Variants in LRRK2 observed in about 807,000 individuals in gnomAD.
The protein encoded by LRRK2 is leucine-rich repeat serine/threonine-protein kinase 2.
Under a neutral mutation model 302.6 loss-of-function variants are expected in LRRK2, and 203 were observed. The ratio of observed to expected loss-of-function variants is 0.67; its 90% CI spans 0.60 to 0.75. The LOEUF (loss-of-function observed/expected upper bound fraction) is 0.75, where lower values mean the gene tolerates loss of function less well. Ranked by LOEUF, LRRK2 falls within the 30% of genes least tolerant of loss-of-function variation. The pLI is 0.00. For missense variants in LRRK2, 2,830 were observed against 2,951.0 expected (o/e 0.96, Z 0.95); for synonymous variants, 1,066 against 1,031.9 (o/e 1.03, Z -0.63).
intron 22 of LRRK2, 64 bp from the exon 23 acceptor site, chr12:40,295,363 C>T: frequency 6.6e-7 from 1 of 1,511,654 alleles, no homozygotes; most frequent in Non-Finnish European, 9.1e-7. Context: ...GCTCACTAAA[C>T]TTTTACTACA....
In LRRK2 at chr12:40,293,660, C is replaced by A; in HGVS notation, c.2805C>A (p.Ser935=). The change falls in exon 21 of 51, where the codon TCC becomes TCA. Residue 935 remains serine, a synonymous_variant. Coordinates refer to ENST00000298910, the MANE Select transcript of LRRK2 (RefSeq NM_198578.4). ...CSPNLQRHSN[S]LGPIFDHEDL... is the part of the protein sequence containing the mutation. ...CAAATTTGCAAAGACATTCCAATTC[C>A]TTGGTAAGTTAAATTGTGCAATTGT... The A allele has an allele frequency of 1.3e-6, 2 of 1,594,314 alleles. No homozygotes were observed. The highest frequency in any genetic ancestry group is 1.7e-6 in the Non-Finnish European group (2 of 1,162,890).
rs151225166 is a variant in LRRK2, at chr12:40,226,148, A to T, written c.237+508A>T. On this transcript the variant is annotated intron_variant, in intron 2 of 50. Transcript: ENST00000298910. The stretch of plus-strand genomic sequence containing the variant: ...AGTTGTAGTATACCTTGTAGTATCT[A>T]AAGAAAGTGATGTCTTATGAGACCC... Among the ~76,000 whole-genome samples the T allele has an allele frequency of 5.3e-5, 8 of 152,348 alleles. No individual in the cohort carries two copies. The East Asian group carries it at 1.3e-3, about 26-fold the overall frequency.
At chr12:40,237,915 C>T in intron 4 of LRRK2, 54 bp from the exon 5 acceptor site, 2 of 1,552,256 alleles carry the variant, frequency 1.3e-6, no homozygotes, top group Non-Finnish European at 1.8e-6. Flanking sequence ...AAAATTAACA[C>T]ATTAAATGTT....
intron 13 of LRRK2, 34 bp downstream of exon 13, chr12:40,259,638 C>A (rs1176005140): frequency 1.9e-6 from 3 of 1,610,856 alleles, no homozygotes; most frequent in Non-Finnish European, 2.5e-6. Flanking sequence ...GAAGAGATAA[C>A]AATTTAAATG....
At chr12:40,254,394 C>T (rs534797760) in intron 11 of LRRK2, among the ~76,000 whole-genome samples, 8 of 152,250 alleles carry the variant, frequency 5.3e-5, no homozygotes, top group South Asian at 4.1e-4. Flanking sequence ...TTTAATAAAA[C>T]GCTTGGAGTG....
At chr12:40,271,813 T>C (rs1022717649) in intron 14 of LRRK2, among the ~76,000 whole-genome samples, 2 of 152,168 alleles carry the variant, frequency 1.3e-5, no homozygotes, top group Non-Finnish European at 2.9e-5. Flanking sequence ...TGTGATACTC[T>C]GAATTCTCTT....
intron 20 of LRRK2, among the ~76,000 whole-genome samples, chr12:40,289,820 C>T (rs1379494415): frequency 6.6e-6 from 1 of 151,874 alleles, no homozygotes; most frequent in South Asian, 2.1e-4. Flanking sequence ...TTACGTGTTC[C>T]AGTACCTTAT....
chr12:40,238,140 A>T, intron 5 of LRRK2, 37 bp downstream of exon 5: 1 of 1,597,946 alleles, frequency 6.3e-7, no homozygotes, highest in Non-Finnish European at 8.5e-7. Flanking sequence ...AGTATATATA[A>T]GAAAAAAAGG....
intron 2 of LRRK2, among the ~76,000 whole-genome samples, chr12:40,231,413 G>C (rs1941179891): frequency 1.3e-5 from 1 of 77,258 alleles, no homozygotes; most frequent in Non-Finnish European, 2.7e-5. Context: ...AAAAAAATTA[G>C]CTGGGTGTGG....
Position 40,323,303 on chromosome 12 carries a change from C to T in LRRK2, c.5653C>T (p.Leu1885=). The T allele has an allele frequency of 6.2e-7, 1 of 1,608,518 alleles. No individual in the cohort carries two copies. Among genetic ancestry groups the T allele is most frequent in the Non-Finnish European group, 8.5e-7 (1 of 1,177,160 alleles). The change falls in exon 38 of 51, where the codon CTA becomes TTA. Residue 1885 remains leucine (L), a synonymous_variant. Coordinates refer to ENST00000298910, the MANE Select transcript of LRRK2 (RefSeq NM_198578.4). ...ATTTGAACAAGCTCCAGAGTTTCTC[C>T]TAGGTAATTCTTTTTGTTAATTTGA... ...LEFEQAPEFL[L]GDGSFGSVYR... is the part of the protein sequence containing the mutation.
intron 12 of LRRK2, among the ~76,000 whole-genome samples, 160 bp from the exon 13 acceptor site, chr12:40,259,320 A>C (rs1420305150): frequency 6.6e-6 from 1 of 152,208 alleles, no homozygotes; most frequent in Non-Finnish European, 1.5e-5. Flanking sequence ...TTAGACAATT[A>C]AAATTATGTA....
intron 14 of LRRK2, 151 bp from the exon 15 acceptor site, chr12:40,274,432 A>T: frequency 1.3e-6 from 1 of 750,552 alleles, no homozygotes; most frequent in East Asian, 2.8e-5. Context: ...CTTCATAATA[A>T]ATAAAAGTAA....
At position 40,320,043 on chromosome 12, in the gene LRRK2, G is replaced by T. The variant is rs33949390; in HGVS notation, c.4883G>T (p.Arg1628Leu). 4 of 1,611,680 alleles carry T rather than the reference G, an allele frequency of 2.5e-6. No homozygotes were observed. Among genetic ancestry groups the T allele is most frequent in the Middle Eastern group, 1.7e-4 (1 of 6,036 alleles). The change falls in exon 34 of 51, where the codon CGT (arginine) becomes CTT (leucine). Residue 1628 changes from arginine to leucine, a missense_variant. Around this residue, in one of 3 missense-constraint regions of LRRK2, gnomAD observed 2,121 missense variants for 2,148.0 expected, o/e 0.99. Transcript: ENST00000298910. ...AAACACCCTAAGGGCATTATTTCGC[G>T]TAGAGATGTGGAAAAATTTCTTTCA... ...CPKHPKGIISRRDVEKFLSKK... is the reference protein window; with the variant it reads ...CPKHPKGIISLRDVEKFLSKK...
chr12:40,340,593 C>A, intron 41 of LRRK2, 139 bp downstream of exon 41: 2 of 872,158 alleles, frequency 2.3e-6, no homozygotes, highest in Middle Eastern at 2.4e-4. Flanking sequence ...AAAATGCAAG[C>A]ATCACATTGT....
intron 4 of LRRK2, 50 bp downstream of exon 4, chr12:40,235,764 G>T (rs1941424274): frequency 5.0e-6 from 5 of 1,009,052 alleles, no homozygotes; most frequent in South Asian, 2.6e-5. Flanking sequence ...AAAAAAAGTT[G>T]ATACCATTAA....
rs1944723528 is a variant in LRRK2 at position 40,304,114 on chromosome 12, T to C, written c.3757T>C (p.Ser1253Pro). Residue 1253 changes from serine to proline, a missense_variant, in exon 27 of 51, where the codon TCT (serine) becomes CCT (proline). Around this residue, in one of 3 missense-constraint regions of LRRK2, gnomAD observed 2,121 missense variants for 2,148.0 expected, o/e 0.99. Transcript: ENST00000298910. ...LWSRVEKLHLSHNKLKEIPPE... is the reference protein window; with the variant it reads ...LWSRVEKLHLPHNKLKEIPPE... ...GTCTAGAGTAGAGAAACTGCATCTTTCTCACAATAAACTGAAAGAGGTAAG... is the reference window on the plus strand; with the variant it reads ...GTCTAGAGTAGAGAAACTGCATCTTCCTCACAATAAACTGAAAGAGGTAAG... The C allele has an allele frequency of 6.2e-7, 1 of 1,613,238 alleles. No individual in the cohort carries two copies. The highest frequency in any genetic ancestry group is 8.5e-7 in the Non-Finnish European group (1 of 1,179,574).
chr12:40,278,132 G>T lies in LRRK2; in HGVS notation c.2112G>T (p.Met704Ile). The T allele has an allele frequency of 1.2e-6, 2 of 1,614,060 alleles. No individual in the cohort carries two copies. The highest frequency in any genetic ancestry group is 1.7e-6 in the Non-Finnish European group (2 of 1,179,996). The change falls in exon 18 of 51, where the codon ATG becomes ATT. Residue 704 changes from methionine (M) to isoleucine (I), a missense_variant. Physicochemically the swap from Met to Ile is conservative, Grantham distance 10 (BLOSUM62 1). Transcript: ENST00000298910. ...GCAAGTGTTTTGCAAAAGTAGCTAT[G>T]GATGATTACTTAAAAAATGTGATGC... Reference protein sequence around the residue: ...LCCKCFAKVAMDDYLKNVMLE... With the variant: ...LCCKCFAKVAIDDYLKNVMLE...
intron 20 of LRRK2, among the ~76,000 whole-genome samples, chr12:40,288,335 T>A (rs796692702): frequency 3.9e-5 from 6 of 151,918 alleles, no homozygotes; most frequent in African/African-American, 1.2e-4. Context: ...CATATTCATG[T>A]GGTCATTGTC....
intron 14 of LRRK2, among the ~76,000 whole-genome samples, chr12:40,267,155 C>A (rs1004379442): frequency 8.5e-5 from 13 of 152,136 alleles, no homozygotes; most frequent in African/African-American, 3.1e-4. Context: ...GTGCATGCTC[C>A]ATACAGGGGC....
Sources: allele counts gnomAD v4.1 joint callset (sites outside exome capture counted in the v4.1 genomes callset), GRCh38; gene constraint gnomAD v4.1.1; regional missense constraint gnomAD v4.1.1; transcripts MANE v1.5; gene names NCBI Gene and HGNC (gene_info 2026-07-23, HGNC 2026-07-21).